CLSTN1: variants seen among roughly 807,000 people sequenced by gnomAD.
CLSTN1 encodes calsyntenin 1.
Under a neutral mutation model 108.3 loss-of-function variants are expected in CLSTN1, and 28 were observed. That is an observed-to-expected ratio of 0.26 (90% CI 0.19 to 0.35). The LOEUF (loss-of-function observed/expected upper bound fraction) is 0.35, where lower values mean the gene tolerates loss of function less well. Ranked by LOEUF, CLSTN1 falls within the 10% of genes least tolerant of loss-of-function variation. The pLI, the probability that CLSTN1 is intolerant of heterozygous loss-of-function variation, is 1.00. For missense variants in CLSTN1, 1,157 were observed against 1,302.6 expected (o/e 0.89, Z 1.72); for synonymous variants, 524 against 534.9 (o/e 0.98, Z 0.28).
intron 1 of CLSTN1, among the ~76,000 whole-genome samples, chr1:9,814,194 G>C (rs369587510): frequency 6.7e-6 from 1 of 150,184 alleles, no homozygotes; most frequent in Admixed American, 6.7e-5. Flanking sequence ...GAGATTGCTT[G>C]AGTCCAGGAG....
Position 9,730,597 on chromosome 1 carries a change from TGCTCTCCGACTCGGC to T in CLSTN1, c.2842_2856del (p.Ala948_Ser952del). The T allele has an allele frequency of 1.2e-6, 2 of 1,610,158 alleles. No individual in the cohort carries two copies. The highest frequency in any genetic ancestry group is 1.7e-6 in the Non-Finnish European group (2 of 1,179,886). On this transcript the variant is annotated inframe_deletion, in exon 19 of 19. Coordinates refer to ENST00000377298, the MANE Select transcript of CLSTN1 (RefSeq NM_001009566.3). The surrounding 1 kb of genome is among the most constrained non-coding windows in gnomAD (Gnocchi z 5.6). ...CCCTGCTCCCCCTCCTCCTCCTCGC[TGCTCTCCGACTCGGC>T]GCTGGTGATGTCATCCTCTTCTTCG...
intron 1 of CLSTN1, among the ~76,000 whole-genome samples, chr1:9,787,489 C>T (rs1292665617): frequency 3.4e-5 from 5 of 147,452 alleles, no homozygotes; most frequent in East Asian, 2.1e-4. Context: ...CTGCAAGCTC[C>T]GCCTCCCGGG....
intron 1 of CLSTN1, among the ~76,000 whole-genome samples, chr1:9,788,846 C>T (rs1251739492): frequency 1.6e-5 from 2 of 123,390 alleles, no homozygotes; most frequent in South Asian, 3.1e-4. Flanking sequence ...CCAAGCTGGG[C>T]GACAGAGCGA....
Position 9,730,546 on chromosome 1 carries a change from G to C in CLSTN1, c.2908C>G (p.Gln970Glu). 6.2e-7 allele frequency: 1 copy of C among 1,607,352 alleles called. No individual in the cohort carries two copies. Among genetic ancestry groups the C allele is most frequent in the African/African-American group, 1.3e-5 (1 of 75,010 alleles). The change falls in exon 19 of 19, where the codon CAG becomes GAG. Residue 970 changes from glutamine (Q) to glutamate (E), a missense_variant. Coordinates refer to ENST00000377298, the MANE Select transcript of CLSTN1 (RefSeq NM_001009566.3). This position sits in a 1 kb window ranked among gnomAD's most constrained non-coding sequence, Gnocchi z 5.6. ...QGDPQNATRQQQLEWDDSTLS... is the reference protein window; with the variant it reads ...QGDPQNATRQEQLEWDDSTLS... ...GTGGAGTCATCCCACTCCAGCTGCT[G>C]CTGCCGGGTTGCGTTCTGGGGGTCG... is the stretch of plus-strand genomic sequence containing the variant.
Position 9,803,524 on chromosome 1 carries a change from C to T in CLSTN1, c.91+20119G>A, listed in dbSNP as rs114164946. 6.1e-3 allele frequency among the ~76,000 whole-genome samples: 926 copies of T among 152,244 alleles called. 13 individuals carry two copies. The highest frequency in any genetic ancestry group is 0.021 in the African/African-American group (881 of 41,554). On this transcript the variant is annotated intron_variant, in intron 1 of 18. Coordinates refer to ENST00000377298, the MANE Select transcript of CLSTN1 (RefSeq NM_001009566.3). ...GGTAGTTATAAAAATGTTTTACGGC[C>T]GGGCGCAGTGGCTCACGCCTGCAAT...
In CLSTN1 at chr1:9,735,521, G is replaced by A; in HGVS notation, c.1829C>T (p.Ser610Phe). The A allele has an allele frequency of 6.2e-7, 1 of 1,614,210 alleles. No individual in the cohort carries two copies. Among genetic ancestry groups the A allele is most frequent in the Non-Finnish European group, 8.5e-7 (1 of 1,180,042 alleles). The change falls in exon 13 of 19, where the codon TCC becomes TTC. Residue 610 changes from serine (S) to phenylalanine (F), a missense_variant. Ser to Phe is a radical substitution (Grantham distance 155). Transcript: ENST00000377298. ...KAMQHISYLNSRQFPTPGIRR... is the reference protein window; with the variant it reads ...KAMQHISYLNFRQFPTPGIRR... Reference sequence around the variant, plus strand: ...AATTCCGGGCGTGGGGAACTGCCGGGAGTTCAGGTACGAGATGTGCTGCAT... The same window carrying A: ...AATTCCGGGCGTGGGGAACTGCCGGAAGTTCAGGTACGAGATGTGCTGCAT...
At chr1:9,817,271 T>C in intron 1 of CLSTN1, among the ~76,000 whole-genome samples, 1 of 152,222 alleles carries the variant, frequency 6.6e-6, no homozygotes, top group East Asian at 1.9e-4. Flanking sequence ...TGACTCTTCT[T>C]TTGATATGCT....
intron 10 of CLSTN1, among the ~76,000 whole-genome samples, chr1:9,740,587 G>A (rs1428432208): frequency 1.3e-5 from 2 of 152,168 alleles, no homozygotes; most frequent in Non-Finnish European, 2.9e-5. Context: ...CCTCTCAGCA[G>A]AGACTTCCAT....
At chr1:9,769,748 A>C (rs1652574335) in intron 2 of CLSTN1, among the ~76,000 whole-genome samples, 1 of 152,190 alleles carries the variant, frequency 6.6e-6, no homozygotes, top group Non-Finnish European at 1.5e-5. Flanking sequence ...ACACTTTAAA[A>C]GGGTGATTTT....
chr1:9,764,500 G>A (rs1333225035), intron 2 of CLSTN1, among the ~76,000 whole-genome samples: 1 of 152,116 alleles, frequency 6.6e-6, no homozygotes, highest in East Asian at 1.9e-4. Flanking sequence ...AGCCAGGTAT[G>A]ATGGCACAGG....
chr1:9,731,957 C>T lies in CLSTN1; in HGVS notation c.2428-61G>A, dbSNP rs1453784280. On this transcript the variant is annotated intron_variant, in intron 16 of 18. Coordinates refer to ENST00000377298, the MANE Select transcript of CLSTN1 (RefSeq NM_001009566.3). ...CATCCTGAGCCTGTCCAAGAGGTGA[C>T]AGTGGAGTCCCGCAGCTGGCATGAC... 3 of 1,603,118 alleles carry T rather than the reference C, an allele frequency of 1.9e-6. No homozygotes were observed. The East Asian group carries it at 6.7e-5, about 36-fold the overall frequency.
In CLSTN1 at chr1:9,764,120, G is replaced by A. The variant is rs1021626198; in HGVS notation, c.215-7610C>T. 2.6e-5 allele frequency among the ~76,000 whole-genome samples: 4 copies of A among 151,800 alleles called. No individual in the cohort carries two copies. In the East Asian group the frequency reaches 7.7e-4, roughly 29 times the overall value. ...AGGGAGAAAGAAAGAGAGAGAGAGA[G>A]AGAGAGAGAGGGAGAGAGAGAGGTG... is the stretch of plus-strand genomic sequence containing the variant. On this transcript the variant is annotated intron_variant, in intron 2 of 18. Transcript: ENST00000377298.
chr1:9,772,272 G>A (rs1033725519), intron 2 of CLSTN1, among the ~76,000 whole-genome samples: 7 of 150,550 alleles, frequency 4.6e-5, no homozygotes, highest in Middle Eastern at 3.2e-3. Context: ...ATGAGCCACT[G>A]TGCCCGGCCA....
intron 1 of CLSTN1, among the ~76,000 whole-genome samples, chr1:9,790,862 G>A (rs924408520): frequency 4.6e-5 from 7 of 151,124 alleles, no homozygotes; most frequent in Non-Finnish European, 5.9e-5. Flanking sequence ...GGCCGGGCGC[G>A]GCGGCTCACG....
chr1:9,764,738 C>T (rs1652244909), intron 2 of CLSTN1, among the ~76,000 whole-genome samples: 1 of 151,928 alleles, frequency 6.6e-6, no homozygotes, highest in African/African-American at 2.4e-5. Flanking sequence ...ACCATCGTTG[C>T]CTCTGTCACT....
At chr1:9,796,985 A>G (rs775251588) in intron 1 of CLSTN1, among the ~76,000 whole-genome samples, 5 of 152,184 alleles carry the variant, frequency 3.3e-5, no homozygotes, top group African/African-American at 4.8e-5. Context: ...CTAGAACAAA[A>G]CATCAAGCTT....
At chr1:9,769,224 T>C (rs1652548266) in intron 2 of CLSTN1, among the ~76,000 whole-genome samples, 1 of 151,740 alleles carries the variant, frequency 6.6e-6, no homozygotes, top group African/African-American at 2.4e-5. Context: ...CTCCCCCCCA[T>C]GCAGCTGCCC....
intron 9 of CLSTN1, among the ~76,000 whole-genome samples, chr1:9,742,493 A>T (rs895112728): frequency 6.6e-6 from 1 of 152,232 alleles, no homozygotes; most frequent in Non-Finnish European, 1.5e-5. Context: ...TCCATAATAC[A>T]GTTTTTAAAC....
intron 1 of CLSTN1, among the ~76,000 whole-genome samples, chr1:9,814,519 T>G (rs574065319): frequency 5.3e-5 from 8 of 152,304 alleles, no homozygotes; most frequent in African/African-American, 1.7e-4. Flanking sequence ...ATTGGGTAAT[T>G]GAGGAATAGT....
Sources: allele counts gnomAD v4.1 joint callset (sites outside exome capture counted in the v4.1 genomes callset), GRCh38; gene constraint gnomAD v4.1.1; non-coding constraint Gnocchi (gnomAD v3.1); transcripts MANE v1.5; gene names NCBI Gene and HGNC (gene_info 2026-07-23, HGNC 2026-07-21).